DISC1: variants seen among roughly 807,000 people sequenced by gnomAD.
DISC1 encodes the protein DISC1 scaffold protein.
A neutral mutation model predicts 84.5 loss-of-function variants in DISC1; 57 were observed. The ratio of observed to expected loss-of-function variants is 0.67; its 90% confidence interval spans 0.55 to 0.84. The LOEUF is 0.84. DISC1 is among the 40% of genes least tolerant of loss of function. DISC1 has a pLI of 0.00. For missense variants in DISC1, 1,000 were observed against 1,057.8 expected (o/e 0.95, Z 0.76); for synonymous variants, 411 against 415.2 (o/e 0.99, Z 0.12).
intron 1 of DISC1, among the ~76,000 whole-genome samples, chr1:231,677,463 A>T (rs898578911): frequency 3.3e-5 from 5 of 152,212 alleles, no homozygotes; most frequent in African/African-American, 1.2e-4. Flanking sequence ...GGCTCAGAAC[A>T]ACTCGGGGAA....
intron 7 of DISC1, among the ~76,000 whole-genome samples, chr1:231,796,733 C>T (rs200402321): frequency 9.9e-5 from 15 of 152,166 alleles, no homozygotes; most frequent in Non-Finnish European, 2.1e-4. Flanking sequence ...GACTTCTGCT[C>T]TGCTCACCCA....
chr1:231,773,488 G>A (rs544264076), intron 6 of DISC1, among the ~76,000 whole-genome samples: 276 of 152,242 alleles, frequency 1.8e-3, no homozygotes, highest in African/African-American at 5.9e-3. Context: ...AGGTTCAAGC[G>A]ATTTTCCTGC....
chr1:231,928,813 T>C (rs1421849955), intron 9 of DISC1, among the ~76,000 whole-genome samples: 1 of 152,228 alleles, frequency 6.6e-6, no homozygotes, highest in Non-Finnish European at 1.5e-5. Flanking sequence ...TTTTGTTATT[T>C]ACCCAGTAAT....
chr1:231,770,116 TA>T (rs1260356563), intron 5 of DISC1, among the ~76,000 whole-genome samples: 1 of 152,110 alleles, frequency 6.6e-6, no homozygotes, highest in Non-Finnish European at 1.5e-5. Context: ...GTATGTTAAT[TA>T]AGAGTCTTAT....
intron 9 of DISC1, among the ~76,000 whole-genome samples, chr1:231,843,896 G>T (rs922690479): frequency 5.9e-5 from 9 of 152,326 alleles, no homozygotes; most frequent in Admixed American, 5.2e-4. Context: ...GCTGACTGAC[G>T]GCAGGGCTTT....
At chr1:231,689,121 A>T (rs1442810268) in intron 1 of DISC1, among the ~76,000 whole-genome samples, 1 of 152,214 alleles carries the variant, frequency 6.6e-6, no homozygotes, top group Non-Finnish European at 1.5e-5. Flanking sequence ...GACAGATGGG[A>T]TTAAAATTCC....
chr1:231,920,286 A>T (rs2089915739), intron 9 of DISC1, among the ~76,000 whole-genome samples: 1 of 152,256 alleles, frequency 6.6e-6, no homozygotes, highest in Admixed American at 6.5e-5. Context: ...AGCCATTTTT[A>T]AGTGGCTAAA....
At chr1:231,643,464 G>C (rs552020728) in intron 1 of DISC1, among the ~76,000 whole-genome samples, 1 of 152,324 alleles carries the variant, frequency 6.6e-6, no homozygotes, top group South Asian at 2.1e-4. Context: ...TGATGTCCTT[G>C]TTCTCCTAGC....
intron 6 of DISC1, among the ~76,000 whole-genome samples, chr1:231,783,045 T>A (rs1321407926): frequency 6.6e-6 from 1 of 152,114 alleles, no homozygotes; most frequent in Non-Finnish European, 1.5e-5. Flanking sequence ...ATAATCAGAA[T>A]AAAGGGAGGG....
At chr1:231,902,826 A>C (rs975926713) in intron 9 of DISC1, among the ~76,000 whole-genome samples, 2 of 152,128 alleles carry the variant, frequency 1.3e-5, no homozygotes, top group African/African-American at 4.8e-5. Context: ...CCAAAGTCTG[A>C]AACTTTTTGA....
intron 10 of DISC1, among the ~76,000 whole-genome samples, chr1:232,002,891 A>C (rs1384934843): frequency 1.3e-5 from 2 of 152,086 alleles, no homozygotes; most frequent in Non-Finnish European, 2.9e-5. Context: ...AACTATGAAA[A>C]CACACACACA....
At chr1:231,800,674 A>T (rs938295575) in intron 8 of DISC1, among the ~76,000 whole-genome samples, 2 of 152,126 alleles carry the variant, frequency 1.3e-5, no homozygotes, top group Non-Finnish European at 2.9e-5. Flanking sequence ...TTTTTCCATT[A>T]ATTAGTAGCT....
chr1:231,949,864 G>T (rs1012564942), intron 9 of DISC1, among the ~76,000 whole-genome samples: 1 of 152,126 alleles, frequency 6.6e-6, no homozygotes, highest in Non-Finnish European at 1.5e-5. Flanking sequence ...ATCACAACTG[G>T]GCAACAATAT....
chr1:231,924,044 G>A (rs902737115), intron 9 of DISC1, among the ~76,000 whole-genome samples: 5 of 152,148 alleles, frequency 3.3e-5, no homozygotes, highest in African/African-American at 4.8e-5. Flanking sequence ...CTTAAGGGTC[G>A]CTTATTTCAA....
Position 231,750,037 on chromosome 1 carries a change from C to T in DISC1, c.1229C>T (p.Ala410Val). 1 of 1,614,208 alleles carries T rather than the reference C, an allele frequency of 6.2e-7. No homozygotes were observed. Among genetic ancestry groups the T allele is most frequent in the Non-Finnish European group, 8.5e-7 (1 of 1,180,026 alleles). The change falls in exon 4 of 13, where the codon GCA becomes GTA. Residue 410 changes from alanine to valine, a missense_variant. This residue lies in a region of DISC1 where 311 missense variants were observed against 400.1 expected (regional missense o/e 0.78). Coordinates refer to ENST00000439617, the MANE Select transcript of DISC1 (RefSeq NM_018662.3). The stretch of plus-strand genomic sequence containing the variant: ...AGCAGTTTCCTGGGTCACCTGGCAG[C>T]ACAAGTCCAGGCTGCCTTGCGCCGT... The part of the protein sequence containing the change: ...ALSSFLGHLA[A>V]QVQAALRRGA...
At chr1:231,638,523 G>C (rs2059375392) in intron 1 of DISC1, among the ~76,000 whole-genome samples, 1 of 152,074 alleles carries the variant, frequency 6.6e-6, no homozygotes, top group African/African-American at 2.4e-5. Flanking sequence ...TTTTGTATAT[G>C]ATGAGGTATA....
intron 1 of DISC1, among the ~76,000 whole-genome samples, chr1:231,632,607 GAGAA>G: frequency 6.6e-6 from 1 of 152,212 alleles, no homozygotes; most frequent in Non-Finnish European, 1.5e-5. Context: ...TGAGAAAAGT[GAGAA>G]ACAGCAGCAG....
intron 9 of DISC1, among the ~76,000 whole-genome samples, chr1:231,823,670 A>G (rs1434327510): frequency 6.6e-6 from 1 of 152,188 alleles, no homozygotes; most frequent in Non-Finnish European, 1.5e-5. Context: ...TAGGTTCAGG[A>G]ATACATGTGC....
chr1:231,769,656 T>C (rs1285638151), intron 5 of DISC1, among the ~76,000 whole-genome samples: 1 of 152,216 alleles, frequency 6.6e-6, no homozygotes, highest in Non-Finnish European at 1.5e-5. Context: ...GTCTCAGTTT[T>C]GCAAGATGAA....
Sources: gnomAD v4.1 joint callset for allele counts (sites outside exome capture counted in the v4.1 genomes callset) on GRCh38, gnomAD v4.1.1 for gene constraint, gnomAD v4.1.1 regional missense constraint, MANE v1.5 for transcripts, NCBI Gene and HGNC (gene_info 2026-07-23, HGNC 2026-07-21) for gene names.